Variants in OXNAD1 observed in about 807,000 individuals in gnomAD.
The protein encoded by OXNAD1 is oxidoreductase NAD-binding domain-containing protein 1.
Under a neutral mutation model 32.9 loss-of-function variants are expected in OXNAD1, and 34 were observed. The ratio of observed to expected loss-of-function variants is 1.03; its 90% CI spans 0.79 to 1.38. The LOEUF (loss-of-function observed/expected upper bound fraction) is 1.38, where lower values mean the gene tolerates loss of function less well. Among genes scored for constraint, OXNAD1 ranks in the 40% most tolerant of loss-of-function variants. The pLI is 0.00. For missense variants in OXNAD1, 407 were observed against 379.4 expected, an observed-to-expected ratio of 1.07 and a Z score of -0.60; for synonymous variants, 134 against 135.2, an observed-to-expected ratio of 0.99 and a Z score of 0.06.
Position 16,320,770 on chromosome 3 carries a change from G to T in OXNAD1, c.*31-16342G>T, listed in dbSNP as rs1220882703. 2.6e-5 allele frequency among the ~76,000 whole-genome samples: 4 copies of T among 152,222 alleles called. No homozygotes were observed. Among genetic ancestry groups the T allele is most frequent in the African/African-American group, 9.6e-5 (4 of 41,454 alleles). ...CCACAGAGGAGCTGGAGGCCACAGA[G>T]AATGGGAGGCTGGCAGAGGAGGTAA... On this transcript the variant is annotated intron_variant, in intron 9 of 9. Coordinates refer to the OXNAD1 transcript ENST00000435829. The surrounding 1 kb of genome is among the most constrained non-coding windows in gnomAD (Gnocchi z 4.5).
chr3:16,296,279 C>CA (rs76159844), intron 6 of OXNAD1, among the ~76,000 whole-genome samples: 3 of 151,456 alleles, frequency 2.0e-5, no homozygotes, highest in East Asian at 1.9e-4. Context: ...GCAAATAGTC[C>CA]AAAAAAAAGC....
chr3:16,266,859 T>C (rs2064557502), intron 1 of OXNAD1, among the ~76,000 whole-genome samples: 1 of 152,158 alleles, frequency 6.6e-6, no homozygotes, highest in Non-Finnish European at 1.5e-5. Context: ...GCGTGGGTAA[T>C]GTTAAAATGG....
intron 5 of OXNAD1, among the ~76,000 whole-genome samples, chr3:16,294,236 C>G (rs191856387): frequency 6.9e-4 from 103 of 149,684 alleles, no homozygotes; most frequent in Non-Finnish European, 1.3e-3. Flanking sequence ...AAGTTTCGCT[C>G]TTGTTGCCCA....
At chr3:16,350,099 T>C (rs752372321) in exon 10 of OXNAD1, 2 of 152,222 alleles carry the variant, frequency 1.3e-5, no homozygotes, top group Admixed American at 6.5e-5. Flanking sequence ...GTGAGTACTA[T>C]AGCCCAACAA....
Position 16,303,287 on chromosome 3 carries a change from A to G in OXNAD1, c.785-121A>G. On this transcript the variant is annotated intron_variant, in intron 8 of 8. Coordinates refer to ENST00000285083, the MANE Select transcript of OXNAD1 (RefSeq NM_138381.5). The surrounding 1 kb of genome is among the most constrained non-coding windows in gnomAD (Gnocchi z 4.8). The stretch of plus-strand genomic sequence containing the variant: ...ATAGGAGCCATACTGTGAATGGCTT[A>G]AGAAGACTAGACTCACTGAACTTGG... 1 of 1,179,380 alleles carries G rather than the reference A, an allele frequency of 8.5e-7. No individual in the cohort carries two copies. Among genetic ancestry groups the G allele is most frequent in the Non-Finnish European group, 1.2e-6 (1 of 825,886 alleles). The allele number at this position is 1,179,380 out of a possible 1,614,324, so 73.1% of individuals were successfully genotyped here.
At chr3:16,324,752 C>T (rs1438843446) in intron 9 of OXNAD1, among the ~76,000 whole-genome samples, 2 of 148,254 alleles carry the variant, frequency 1.3e-5, no homozygotes, top group Admixed American at 1.4e-4. Context: ...GTTTCCATTT[C>T]TTAGCTGTTG....
chr3:16,324,102 A>G (rs1393086367), intron 9 of OXNAD1, among the ~76,000 whole-genome samples: 2 of 136,144 alleles, frequency 1.5e-5, no homozygotes, highest in African/African-American at 5.0e-5. Context: ...AAAGAAGATC[A>G]CTGTTTTTTT....
exon 10 of OXNAD1, chr3:16,350,251 C>T (rs956812134): frequency 3.3e-5 from 5 of 152,150 alleles, no homozygotes; most frequent in Admixed American, 2.6e-4. Context: ...TTAACCATTC[C>T]CCTACTGATG....
intron 1 of OXNAD1, among the ~76,000 whole-genome samples, chr3:16,267,126 A>G (rs914612573): frequency 6.6e-6 from 1 of 152,216 alleles, no homozygotes; most frequent in East Asian, 1.9e-4. Context: ...TTTCTCTGTC[A>G]GTGTCCTCTC....
rs939774994 is a variant in OXNAD1 at position 16,345,875 on chromosome 3, G to A, written c.*31-3301G>A. On this transcript the variant is annotated intron_variant, in intron 9 of 9. Transcript: ENST00000606098. The surrounding 1 kb of genome is among the most constrained non-coding windows in gnomAD (Gnocchi z 5.2). Reference sequence around the variant, plus strand: ...ATGTGTATGTGTATAATCTCCTACTGGTTCTGTTTTACTGGAGAACCCTAA... The same window carrying A: ...ATGTGTATGTGTATAATCTCCTACTAGTTCTGTTTTACTGGAGAACCCTAA... 1.3e-5 allele frequency: 2 copies of A among 149,918 alleles called. No homozygotes were observed. Among genetic ancestry groups the A allele is most frequent in the African/African-American group, 4.9e-5 (2 of 40,740 alleles). 9.3% of individuals were successfully genotyped at this position (149,918 alleles called of 1,614,324 possible). A position where few individuals can be genotyped will look rare whatever the true frequency, so the allele number is the denominator to read the frequency against.
intron 9 of OXNAD1, among the ~76,000 whole-genome samples, chr3:16,332,130 C>T (rs1431954523): frequency 6.6e-6 from 1 of 151,990 alleles, no homozygotes; most frequent in Non-Finnish European, 1.5e-5. Flanking sequence ...ACCTGATGGC[C>T]TTGCAATCTG....
chr3:16,298,848 G>T lies in OXNAD1; in HGVS notation c.433-2778G>T, dbSNP rs1201252955. 6.6e-6 allele frequency among the ~76,000 whole-genome samples: 1 copy of T among 152,128 alleles called. No individual in the cohort carries two copies. Among genetic ancestry groups the T allele is most frequent in the East Asian group, 1.9e-4 (1 of 5,190 alleles). Reference sequence around the variant, plus strand: ...TTAGATACATTGCTGTGTAATTGAAGGTAATGTCCTTTTATTCACTTACAT... The same window carrying T: ...TTAGATACATTGCTGTGTAATTGAATGTAATGTCCTTTTATTCACTTACAT... On this transcript the variant is annotated intron_variant, in intron 6 of 8. Coordinates refer to ENST00000285083, the MANE Select transcript of OXNAD1 (RefSeq NM_138381.5). This position sits in a 1 kb window ranked among gnomAD's most constrained non-coding sequence, Gnocchi z 5.1.
Position 16,345,788 on chromosome 3 carries a change from C to CTGTCTGTGTGTG in OXNAD1, c.*31-3385_*31-3384insCTGTGTGTGTGT, listed in dbSNP as rs765619275. Among the ~76,000 whole-genome samples the CTGTCTGTGTGTG allele has an allele frequency of 5.5e-3, 693 of 126,960 alleles. 1 individual carries two copies. The highest frequency in any genetic ancestry group is 9.0e-3 in the Admixed American group (116 of 12,858). 83.3% of individuals were successfully genotyped at this position (126,960 alleles called of 152,430 possible). ...TGAGCCAAAACCTTATAATAAATCT[C>CTGTCTGTGTGTG]TGTGTGTGTGTGTGTGTGTGTGTGT... On this transcript the variant is annotated intron_variant, in intron 9 of 9. Transcript: ENST00000606098. The surrounding 1 kb of genome is among the most constrained non-coding windows in gnomAD (Gnocchi z 5.2).
Position 16,269,119 on chromosome 3 carries a change from A to G in OXNAD1, c.-158-7A>G. On this transcript the variant is annotated splice_region_variant and splice_polypyrimidine_tract_variant and intron_variant, in intron 1 of 8. Transcript: ENST00000285083. ...AACATTGTTATATGTTGTTTGTGCC[A>G]TTGCAGGAACTTTGTGAGAATTTTA... The G allele has an allele frequency of 6.8e-7, 1 of 1,471,204 alleles. No homozygotes were observed. Among genetic ancestry groups the G allele is most frequent in the Non-Finnish European group, 8.9e-7 (1 of 1,118,772 alleles). The allele number at this position is 1,471,204 out of a possible 1,614,324, so 91.1% of individuals were successfully genotyped here.
rs2068388161 is a variant in OXNAD1 at position 16,316,317 on chromosome 3, C to G, written c.*30+12725C>G. On this transcript the variant is annotated intron_variant, in intron 9 of 9. Transcript: ENST00000435829. The surrounding 1 kb of genome is among the most constrained non-coding windows in gnomAD (Gnocchi z 4.5). The stretch of plus-strand genomic sequence containing the variant: ...CCCTCCCCAATGTCATTTTCTTTGT[C>G]AAAGCAGAAGAGTCGAAGGGGTTTA... 6.2e-6 allele frequency: 1 copy of G among 160,998 alleles called. No individual in the cohort carries two copies. Among genetic ancestry groups the G allele is most frequent in the Non-Finnish European group, 1.3e-5 (1 of 74,618 alleles). The allele number at this position is 160,998 out of a possible 1,614,324, so 10.0% of individuals were successfully genotyped here.
In OXNAD1 at chr3:16,298,006, A is replaced by G. The variant is rs79855412; in HGVS notation, c.432+3009A>G. Among the ~76,000 whole-genome samples, 4,818 of 152,342 alleles carry G rather than the reference A, an allele frequency of 0.032. 106 individuals carry two copies. Among genetic ancestry groups the G allele is most frequent in the Middle Eastern group, 0.082 (24 of 294 alleles). ...TTAAAATAAGTTTTTAAAAATGTGC[A>G]GGAGCAACATAATATATTCTTGTGG... On this transcript the variant is annotated intron_variant, in intron 6 of 8. Transcript: ENST00000285083. This position sits in a 1 kb window ranked among gnomAD's most constrained non-coding sequence, Gnocchi z 5.1.
In OXNAD1 at chr3:16,334,292, C is replaced by T. The variant is rs985055957; in HGVS notation, c.*31-2820C>T. Among the ~76,000 whole-genome samples, 5 of 152,190 alleles carry T rather than the reference C, an allele frequency of 3.3e-5. No homozygotes were observed. Among genetic ancestry groups the T allele is most frequent in the African/African-American group, 1.2e-4 (5 of 41,436 alleles). ...GTTGCCAAGGCCGTGGGGAAGCATGCGTTCTTGTACATTGCTAGTGGAAGG... is the reference window on the plus strand; with the variant it reads ...GTTGCCAAGGCCGTGGGGAAGCATGTGTTCTTGTACATTGCTAGTGGAAGG... On this transcript the variant is annotated intron_variant, in intron 9 of 9. Transcript: ENST00000435829. The surrounding 1 kb of genome is among the most constrained non-coding windows in gnomAD (Gnocchi z 4.3).
Position 16,322,790 on chromosome 3 carries a change from G to A in OXNAD1, c.*31-14322G>A, listed in dbSNP as rs984977891. Reference sequence around the variant, plus strand: ...TTTCTAGGGTAGTTCAGAGTCCGGAGAGGGGGAAAAGGGCCCTGGGGATCT... The same window carrying A: ...TTTCTAGGGTAGTTCAGAGTCCGGAAAGGGGGAAAAGGGCCCTGGGGATCT... On this transcript the variant is annotated intron_variant, in intron 9 of 9. Coordinates refer to the OXNAD1 transcript ENST00000435829. This position sits in a 1 kb window ranked among gnomAD's most constrained non-coding sequence, Gnocchi z 6.2. Among the ~76,000 whole-genome samples the A allele has an allele frequency of 6.6e-6, 1 of 152,156 alleles. No homozygotes were observed. The highest frequency in any genetic ancestry group is 2.4e-5 in the African/African-American group (1 of 41,424).
chr3:16,318,975 C>A (rs1339706427), intron 9 of OXNAD1, among the ~76,000 whole-genome samples: 1 of 152,196 alleles, frequency 6.6e-6, no homozygotes, highest in Non-Finnish European at 1.5e-5. Context: ...GGCTCCAAAC[C>A]CACCAGAGGA....
Sources: gnomAD v4.1 joint callset for allele counts (sites outside exome capture counted in the v4.1 genomes callset) on GRCh38, gnomAD v4.1.1 for gene constraint, Gnocchi (gnomAD v3.1) non-coding constraint, MANE v1.5 for transcripts, NCBI Gene and HGNC (gene_info 2026-07-23, HGNC 2026-07-21) for gene names.